THRB: variants seen among roughly 807,000 people sequenced by gnomAD.
The protein encoded by THRB is thyroid hormone receptor beta.
THRB carries 12 observed loss-of-function variants against 47.8 expected under a neutral mutation model. The ratio of observed to expected loss-of-function variants is 0.25; its 90% CI spans 0.16 to 0.41. The LOEUF (loss-of-function observed/expected upper bound fraction) is 0.41, where lower values mean the gene tolerates loss of function less well. THRB is among the 10% of genes least tolerant of loss of function. THRB has a pLI of 1.00. For synonymous variants in THRB, 218 were observed against 212.2 expected (o/e 1.03, Z -0.24); for missense variants, 348 against 589.2 (o/e 0.59, Z 4.24).
chr3:24,190,896 A>G (rs2043252151), intron 4 of THRB, among the ~76,000 whole-genome samples: 1 of 151,594 alleles, frequency 6.6e-6, no homozygotes, highest in African/African-American at 2.4e-5. Flanking sequence ...AAAAAAAAAA[A>G]AGAAGGGAAT....
chr3:24,141,862 C>A (rs1187515182), intron 8 of THRB, among the ~76,000 whole-genome samples: 1 of 152,192 alleles, frequency 6.6e-6, no homozygotes, highest in African/African-American at 2.4e-5. Flanking sequence ...ATGGGTGACA[C>A]ATTTGGGGAA....
chr3:24,299,801 T>TTTTTG, intron 2 of THRB, among the ~76,000 whole-genome samples: 1 of 133,926 alleles, frequency 7.5e-6, no homozygotes, highest in Admixed American at 8.5e-5. Flanking sequence ...TTTTTTTTTT[T>TTTTTG]TAGCAAACAT....
At chr3:24,174,344 C>G (rs2040853855) in intron 5 of THRB, among the ~76,000 whole-genome samples, 1 of 152,142 alleles carries the variant, frequency 6.6e-6, no homozygotes, top group South Asian at 2.1e-4. Context: ...CCTCTAGTCA[C>G]AAAGGGCCAA....
In THRB at chr3:24,228,927, A is replaced by G; in HGVS notation, c.22+11T>C. On this transcript the variant is annotated intron_variant, in intron 4 of 10. Coordinates refer to ENST00000646209, the MANE Select transcript of THRB (RefSeq NM_001354712.2). ...GAGGCACACAAAGAAAATGTAAAAA[A>G]AAAAAGATACCTGTCATACTGTTGG... is the stretch of plus-strand genomic sequence containing the variant. 6.2e-7 allele frequency: 1 copy of G among 1,606,912 alleles called. No homozygotes were observed. The highest frequency in any genetic ancestry group is 8.5e-7 in the Non-Finnish European group (1 of 1,177,560).
At chr3:24,378,006 C>T (rs1250822727) in intron 1 of THRB, among the ~76,000 whole-genome samples, 5 of 152,144 alleles carry the variant, frequency 3.3e-5, no homozygotes, top group Admixed American at 2.0e-4. Flanking sequence ...CTCAATGTCC[C>T]AATTTGCTGA....
intron 2 of THRB, among the ~76,000 whole-genome samples, chr3:24,305,225 A>T (rs1419889926): frequency 6.6e-6 from 1 of 152,218 alleles, no homozygotes. Flanking sequence ...CTTGTTAGAA[A>T]GGCAGATTAT....
chr3:24,364,950 GC>G (rs1342565121), intron 1 of THRB, among the ~76,000 whole-genome samples: 2 of 152,006 alleles, frequency 1.3e-5, no homozygotes, highest in African/African-American at 4.8e-5. Flanking sequence ...TAAATACCTA[GC>G]TTTTTCATAT....
chr3:24,127,483 G>A lies in THRB; in HGVS notation c.1144+16C>T, dbSNP rs1160777070. Reference sequence around the variant, plus strand: ...AAGCTCTTTGGATGCCCACTAACGAGTCTAGGCGTACTCACCTGAAGACAT... The same window carrying A: ...AAGCTCTTTGGATGCCCACTAACGAATCTAGGCGTACTCACCTGAAGACAT... On this transcript the variant is annotated intron_variant, in intron 10 of 10. Transcript: ENST00000646209. 1.2e-6 allele frequency: 2 copies of A among 1,614,096 alleles called. No individual in the cohort carries two copies. Among genetic ancestry groups the A allele is most frequent in the Non-Finnish European group, 1.7e-6 (2 of 1,179,958 alleles).
At chr3:24,233,254 T>G (rs1487837021) in intron 3 of THRB, among the ~76,000 whole-genome samples, 2 of 152,174 alleles carry the variant, frequency 1.3e-5, no homozygotes, top group African/African-American at 4.8e-5. Flanking sequence ...TTGGAAGGCC[T>G]TGGGTTCCAT....
At chr3:24,473,270 T>C (rs1454741298) in intron 1 of THRB, among the ~76,000 whole-genome samples, 4 of 152,242 alleles carry the variant, frequency 2.6e-5, no homozygotes, top group African/African-American at 9.6e-5. Flanking sequence ...TAGTGATGCA[T>C]TTATTCGTAG....
At chr3:24,391,388 AC>A (rs2066558509) in intron 1 of THRB, among the ~76,000 whole-genome samples, 1 of 152,204 alleles carries the variant, frequency 6.6e-6, no homozygotes, top group African/African-American at 2.4e-5. Flanking sequence ...GGCAATGAAA[AC>A]GTTTACTCTC....
At chr3:24,134,108 G>C (rs2034286481) in intron 8 of THRB, among the ~76,000 whole-genome samples, 1 of 152,200 alleles carries the variant, frequency 6.6e-6, no homozygotes, top group Admixed American at 6.5e-5. Flanking sequence ...GCAGTTCTCT[G>C]CTGTTTACTT....
intron 9 of THRB, among the ~76,000 whole-genome samples, chr3:24,132,987 G>T (rs2034103365): frequency 6.6e-6 from 1 of 152,122 alleles, no homozygotes; most frequent in Admixed American, 6.5e-5. Flanking sequence ...ATTGAATGTG[G>T]GCAAACCTGA....
chr3:24,312,771 G>C (rs1263589934), intron 2 of THRB, among the ~76,000 whole-genome samples: 1 of 152,224 alleles, frequency 6.6e-6, no homozygotes, highest in East Asian at 1.9e-4. Context: ...GGGCCTGGTA[G>C]GCCATGTGGA....
chr3:24,272,314 C>G (rs533911632), intron 3 of THRB, among the ~76,000 whole-genome samples: 41 of 151,480 alleles, frequency 2.7e-4, no homozygotes, highest in Middle Eastern at 3.4e-3. Flanking sequence ...CCACTGCACT[C>G]TAGTCTGGGT....
chr3:24,381,828 T>C (rs2065737265), intron 1 of THRB, among the ~76,000 whole-genome samples: 2 of 151,638 alleles, frequency 1.3e-5, no homozygotes. Flanking sequence ...AACAAAAAGG[T>C]CTCGGGGAAG....
At chr3:24,327,325 T>G (rs1308775823) in intron 2 of THRB, among the ~76,000 whole-genome samples, 1 of 152,064 alleles carries the variant, frequency 6.6e-6, no homozygotes, top group Admixed American at 6.5e-5. Flanking sequence ...AAATTTGAAT[T>G]TTGTTTCTAA....
chr3:24,262,245 C>G (rs965789933), intron 3 of THRB, among the ~76,000 whole-genome samples: 2 of 152,182 alleles, frequency 1.3e-5, no homozygotes, highest in African/African-American at 4.8e-5. Context: ...CTTTCTACCT[C>G]CATCATTACT....
chr3:24,283,371 C>T (rs1315871471), intron 3 of THRB, among the ~76,000 whole-genome samples: 3 of 151,878 alleles, frequency 2.0e-5, no homozygotes, highest in Non-Finnish European at 4.4e-5. Context: ...AGGCCTTTGA[C>T]AAAATTCAAC....
Sources: gnomAD v4.1 joint callset for allele counts (sites outside exome capture counted in the v4.1 genomes callset) on GRCh38, gnomAD v4.1.1 for gene constraint, MANE v1.5 for transcripts, NCBI Gene and HGNC (gene_info 2026-07-23, HGNC 2026-07-21) for gene names.